The following CPNE8 variants were observed in gnomAD, a reference collection of about 807,000 sequenced individuals.
The protein encoded by CPNE8 is copine 8.
CPNE8 carries 45 observed loss-of-function variants against 81.5 expected under a neutral mutation model. The observed-to-expected ratio is 0.55, with a 90% CI of 0.44 to 0.71. The LOEUF is 0.71. Ranked by LOEUF, CPNE8 falls within the 30% of genes least tolerant of loss-of-function variation. The pLI is 0.00. For missense variants in CPNE8, 594 were observed against 672.1 expected (o/e 0.88, Z 1.28); for synonymous variants, 252 against 226.3 (o/e 1.11, Z -1.02).
chr12:38,806,273 T>C (rs192814165), intron 6 of CPNE8, among the ~76,000 whole-genome samples: 2 of 150,344 alleles, frequency 1.3e-5, no homozygotes, highest in Non-Finnish European at 3.0e-5. Flanking sequence ...ATCATCCTGA[T>C]ACCAAAGCCA....
At chr12:38,906,311 A>G, upstream of CPNE8, 3 of 985,432 alleles carry the variant, frequency 3.0e-6, no homozygotes, top group Non-Finnish European at 3.6e-6. Context: ...GTGGCCGATC[A>G]ATATATGGGA....
intron 14 of CPNE8, among the ~76,000 whole-genome samples, chr12:38,696,702 T>G (rs1278282335): frequency 6.6e-6 from 1 of 152,178 alleles, no homozygotes; most frequent in African/African-American, 2.4e-5. Flanking sequence ...AGAATATTTT[T>G]AAGAGTTTAT....
intron 16 of CPNE8, among the ~76,000 whole-genome samples, chr12:38,685,231 T>C (rs826881): frequency 0.81 from 123,507 of 152,222 alleles, 54,379 homozygotes; most frequent in Non-Finnish European, 0.98. Flanking sequence ...CCTAAGAAAA[T>C]GTTTTCCTTA....
chr12:38,844,932 A>G (rs1422080740), intron 4 of CPNE8, among the ~76,000 whole-genome samples: 1 of 152,158 alleles, frequency 6.6e-6, no homozygotes, highest in Non-Finnish European at 1.5e-5. Flanking sequence ...TGCATCTTTC[A>G]GCATGCTGTT....
intron 6 of CPNE8, among the ~76,000 whole-genome samples, chr12:38,813,404 T>C (rs866835458): frequency 6.6e-6 from 1 of 152,146 alleles, no homozygotes; most frequent in Non-Finnish European, 1.5e-5. Context: ...GACTGGAATA[T>C]GACTTCTGGC....
chr12:38,665,237 AC>A (rs530758137), intron 19 of CPNE8, among the ~76,000 whole-genome samples: 2 of 152,298 alleles, frequency 1.3e-5, no homozygotes, highest in East Asian at 3.9e-4. Flanking sequence ...TACCTGAGAA[AC>A]TTTTGTCCAA....
chr12:38,840,020 T>C, intron 4 of CPNE8, 65 bp from the exon 5 acceptor site: 1 of 1,431,410 alleles, frequency 7.0e-7, no homozygotes, highest in Non-Finnish European at 9.4e-7. Context: ...AAAACCAGTA[T>C]TTTCCAAAAC....
chr12:38,713,513 T>C (rs926874758), intron 13 of CPNE8, among the ~76,000 whole-genome samples: 3 of 152,190 alleles, frequency 2.0e-5, no homozygotes, highest in Non-Finnish European at 2.9e-5. Context: ...AGATCGCAAA[T>C]TGATAAAATC....
intron 6 of CPNE8, among the ~76,000 whole-genome samples, chr12:38,823,510 C>G (rs114502374): frequency 2.0e-5 from 3 of 152,274 alleles, no homozygotes; most frequent in African/African-American, 7.2e-5. Context: ...ATAGCCTTTG[C>G]CCTCCTAAAC....
chr12:38,778,520 T>C (rs1941982327), intron 6 of CPNE8, among the ~76,000 whole-genome samples: 1 of 152,176 alleles, frequency 6.6e-6, no homozygotes, highest in Non-Finnish European at 1.5e-5. Flanking sequence ...TGATAAACTA[T>C]AGCTTGTTAA....
At chr12:38,729,510 TA>T (rs1288154778) in intron 11 of CPNE8, among the ~76,000 whole-genome samples, 12 of 152,132 alleles carry the variant, frequency 7.9e-5, no homozygotes, top group African/African-American at 2.9e-4. Flanking sequence ...AGAAACTACT[TA>T]AAAAATTGTT....
chr12:38,775,215 G>A (rs756560940), intron 7 of CPNE8, among the ~76,000 whole-genome samples: 40 of 152,184 alleles, frequency 2.6e-4, no homozygotes, highest in Non-Finnish European at 4.6e-4. Context: ...TTGAATTCCT[G>A]GGCTCAAGTG....
chr12:38,882,757 C>A (rs1944180120), intron 1 of CPNE8, among the ~76,000 whole-genome samples: 1 of 152,214 alleles, frequency 6.6e-6, no homozygotes, highest in Non-Finnish European at 1.5e-5. Flanking sequence ...TGACCCCTGG[C>A]TATGTCTCCA....
chr12:38,785,759 G>A (rs1166048746), intron 6 of CPNE8, among the ~76,000 whole-genome samples: 1 of 152,010 alleles, frequency 6.6e-6, no homozygotes, highest in African/African-American at 2.4e-5. Context: ...AAAAAGCAGA[G>A]GAACAAAGTT....
chr12:38,866,962 G>A (rs780491690), intron 3 of CPNE8, among the ~76,000 whole-genome samples: 6 of 152,038 alleles, frequency 3.9e-5, no homozygotes, highest in Non-Finnish European at 7.4e-5. Context: ...AGGTTCAAGC[G>A]ATTCTCCTGC....
At chr12:38,745,779 A>C (rs1043288561) in intron 10 of CPNE8, among the ~76,000 whole-genome samples, 1 of 152,176 alleles carries the variant, frequency 6.6e-6, no homozygotes, top group Non-Finnish European at 1.5e-5. Context: ...TCCTGGGCTC[A>C]AGCAATTCTG....
chr12:38,690,772 A>G (rs924064224), intron 15 of CPNE8, among the ~76,000 whole-genome samples: 4 of 152,188 alleles, frequency 2.6e-5, no homozygotes, highest in African/African-American at 9.6e-5. Context: ...GCTTAACACA[A>G]TTATTCCTTT....
intron 6 of CPNE8, among the ~76,000 whole-genome samples, chr12:38,806,554 C>T (rs542996894): frequency 2.7e-5 from 4 of 149,832 alleles, no homozygotes; most frequent in Admixed American, 1.3e-4. Flanking sequence ...ATTCAACAAC[C>T]CTTCATGCTA....
At chr12:38,900,210 G>A (rs908750610) in intron 1 of CPNE8, among the ~76,000 whole-genome samples, 2 of 151,828 alleles carry the variant, frequency 1.3e-5, no homozygotes, top group Admixed American at 6.6e-5. Flanking sequence ...CAAGGGACTA[G>A]AGTTAGAGTC....
Sources: allele counts gnomAD v4.1 joint callset (sites outside exome capture counted in the v4.1 genomes callset), GRCh38; gene constraint gnomAD v4.1.1; transcripts MANE v1.5; gene names NCBI Gene and HGNC (gene_info 2026-07-23, HGNC 2026-07-21).